PARVB: variants seen among roughly 807,000 people sequenced by gnomAD.
PARVB encodes beta-parvin.
Under a neutral mutation model 47.0 loss-of-function variants are expected in PARVB, and 46 were observed. That is an observed-to-expected ratio of 0.98 (90% CI 0.77 to 1.25). The LOEUF (loss-of-function observed/expected upper bound fraction) is 1.25. Among genes scored for constraint, PARVB ranks in the 50% most tolerant of loss-of-function variants. PARVB has a pLI of 0.00. For missense variants in PARVB, 473 were observed against 471.6 expected, an observed-to-expected ratio of 1.00 and a Z score of -0.03; for synonymous variants, 196 against 196.3, an observed-to-expected ratio of 1.00 and a Z score of 0.01.
At chr22:44,063,328 G>A (rs2051455361) in intron 1 of PARVB, among the ~76,000 whole-genome samples, 1 of 151,830 alleles carries the variant, frequency 6.6e-6, no homozygotes. Flanking sequence ...CCGGGTTCAA[G>A]TGATTCTCCT....
intron 1 of PARVB, among the ~76,000 whole-genome samples, chr22:44,042,202 G>A (rs2051031494): frequency 6.6e-6 from 1 of 152,196 alleles, no homozygotes; most frequent in African/African-American, 2.4e-5. Flanking sequence ...CAGGTGGATT[G>A]CCTGAGGTCA....
chr22:44,105,153 T>C (rs1026123552), intron 3 of PARVB: 2 of 152,226 alleles, frequency 1.3e-5, no homozygotes, highest in African/African-American at 4.8e-5. Flanking sequence ...TGGGTGTGGC[T>C]GACTGTCCAC....
chr22:44,059,388 G>A (rs2051379213), intron 1 of PARVB, among the ~76,000 whole-genome samples: 1 of 152,142 alleles, frequency 6.6e-6, no homozygotes, highest in Non-Finnish European at 1.5e-5. Flanking sequence ...GATGGGAAAG[G>A]GGAGGAGGAC....
At chr22:44,136,234 G>T (rs1404011533) in intron 6 of PARVB, among the ~76,000 whole-genome samples, 1 of 152,166 alleles carries the variant, frequency 6.6e-6, no homozygotes, top group Non-Finnish European at 1.5e-5. Flanking sequence ...AGACCAGAGG[G>T]TGGGGAGGAG....
chr22:44,012,928 G>A (rs888190275), intron 2 of PARVB, among the ~76,000 whole-genome samples: 1 of 150,454 alleles, frequency 6.6e-6, no homozygotes, highest in Admixed American at 6.6e-5. Context: ...AGACAGTCTC[G>A]CTCTGTCACC....
At chr22:44,032,631 C>G (rs569547864) in intron 1 of PARVB, among the ~76,000 whole-genome samples, 1 of 152,246 alleles carries the variant, frequency 6.6e-6, no homozygotes, top group Admixed American at 6.5e-5. Context: ...GAAGGAAAGC[C>G]TCATCAGCAA....
chr22:44,097,780 C>T (rs1324906701), intron 2 of PARVB, among the ~76,000 whole-genome samples: 2 of 152,240 alleles, frequency 1.3e-5, no homozygotes, highest in African/African-American at 2.4e-5. Flanking sequence ...ATGAAAGCTA[C>T]CCCACGGGGA....
chr22:44,131,332 G>A (rs2053313034), intron 4 of PARVB, among the ~76,000 whole-genome samples, 155 bp from the exon 5 acceptor site: 2 of 151,822 alleles, frequency 1.3e-5, no homozygotes, highest in African/African-American at 4.8e-5. Context: ...AGTAGAGACG[G>A]GATTTCACCA....
chr22:44,080,163 G>A (rs2051868278), intron 1 of PARVB, among the ~76,000 whole-genome samples: 1 of 152,232 alleles, frequency 6.6e-6, no homozygotes, highest in East Asian at 1.9e-4. Context: ...CAGTAAAACT[G>A]CTGCAAAGAA....
upstream of PARVB, among the ~76,000 whole-genome samples, chr22:44,022,316 A>G (rs2050659228): frequency 6.6e-6 from 1 of 152,058 alleles, no homozygotes; most frequent in South Asian, 2.1e-4. Flanking sequence ...TACTGAAAGG[A>G]AAAGGGCATT....
intron 3 of PARVB, chr22:44,105,835 T>A (rs2052554136): frequency 6.6e-6 from 1 of 152,314 alleles, no homozygotes; most frequent in Non-Finnish European, 1.5e-5. Flanking sequence ...TGTGTTGTTG[T>A]TTTGAGATAG....
chr22:44,159,127 A>G (rs2053998260), intron 11 of PARVB, among the ~76,000 whole-genome samples: 1 of 152,174 alleles, frequency 6.6e-6, no homozygotes, highest in Non-Finnish European at 1.5e-5. Flanking sequence ...ATTGTGCAGA[A>G]CTCACCAGGA....
chr22:44,066,977 A>G (rs2051549603), intron 1 of PARVB, among the ~76,000 whole-genome samples: 1 of 151,960 alleles, frequency 6.6e-6, no homozygotes, highest in African/African-American at 2.4e-5. Flanking sequence ...AGCCTCCTGA[A>G]TAACTGGAAC....
intron 10 of PARVB, among the ~76,000 whole-genome samples, chr22:44,156,778 A>G (rs1270579490): frequency 6.6e-6 from 1 of 152,230 alleles, no homozygotes; most frequent in East Asian, 1.9e-4. Flanking sequence ...GACACAAAAG[A>G]TAAATGGATA....
intron 7 of PARVB, 105 bp downstream of exon 7, chr22:44,136,623 C>T (rs746104552): frequency 6.6e-5 from 56 of 848,430 alleles, no homozygotes; most frequent in Non-Finnish European, 7.6e-5. Context: ...GGGCTGCTCC[C>T]GCTCCACACC....
At chr22:44,063,707 C>T (rs377527349) in intron 1 of PARVB, among the ~76,000 whole-genome samples, 1 of 152,034 alleles carries the variant, frequency 6.6e-6, no homozygotes, top group Non-Finnish European at 1.5e-5. Context: ...ACTCACTCCT[C>T]GTGGCCTGCT....
chr22:44,134,582 G>A (rs2053402663), intron 6 of PARVB, among the ~76,000 whole-genome samples: 1 of 152,208 alleles, frequency 6.6e-6, no homozygotes, highest in Non-Finnish European at 1.5e-5. Flanking sequence ...CACGACCAAA[G>A]CAGAATGAAA....
chr22:44,075,608 C>A (rs62226425), intron 1 of PARVB, among the ~76,000 whole-genome samples: 4,491 of 152,292 alleles, frequency 0.029, 77 homozygotes, highest in Middle Eastern at 0.055. Context: ...ATCCCTGTCT[C>A]CCTCTCACTC....
upstream of PARVB, among the ~76,000 whole-genome samples, chr22:44,022,992 C>T (rs1005067867): frequency 2.8e-4 from 42 of 152,088 alleles, 1 homozygote; most frequent in Admixed American, 9.2e-4. Flanking sequence ...GGTGATCTGC[C>T]TGCTTTGGCC....
Sources: allele counts gnomAD v4.1 joint callset (sites outside exome capture counted in the v4.1 genomes callset), GRCh38; gene constraint gnomAD v4.1.1; transcripts MANE v1.5; gene names NCBI Gene and HGNC (gene_info 2026-07-23, HGNC 2026-07-21).